Variants in DOC2A observed in about 807,000 individuals in gnomAD.
DOC2A encodes double C2 domain alpha.
DOC2A carries 28 observed loss-of-function variants against 40.6 expected under a neutral mutation model. That is an observed-to-expected ratio of 0.69 (90% CI 0.51 to 0.95). DOC2A has a LOEUF of 0.95. DOC2A is among the 40% of genes least tolerant of loss of function. The pLI, the probability that DOC2A is intolerant of heterozygous loss-of-function variation, is 0.00. For missense variants in DOC2A, 474 were observed against 552.5 expected (o/e 0.86, Z 1.42); for synonymous variants, 241 against 236.9 (o/e 1.02, Z -0.16).
At chr16:30,014,172 CTT>C (rs772684029), upstream of DOC2A, among the ~76,000 whole-genome samples, 3 of 131,874 alleles carry the variant, frequency 2.3e-5, no homozygotes, top group Non-Finnish European at 3.1e-5. Context: ...TTAGAATCAT[CTT>C]TTTTTTTTTT....
At chr16:30,012,360 A>C (rs2070796862), upstream of DOC2A, 1 of 152,092 alleles carries the variant, frequency 6.6e-6, no homozygotes, top group Non-Finnish European at 1.5e-5. Context: ...GTTCCACTGG[A>C]GCGGCTGATT....
At chr16:30,011,349 C>T (rs1279103349), upstream of DOC2A, 3 of 985,122 alleles carry the variant, frequency 3.0e-6, no homozygotes, top group African/African-American at 1.7e-5. Flanking sequence ...TTCGCACACA[C>T]ACGCACTCGC....
upstream of DOC2A, among the ~76,000 whole-genome samples, chr16:30,014,431 C>T (rs948894825): frequency 4.6e-5 from 7 of 151,682 alleles, no homozygotes; most frequent in Non-Finnish European, 8.8e-5. Flanking sequence ...GTCAGGAGAT[C>T]GAGACCATCT....
Position 30,009,781 on chromosome 16 carries a change from C to A in DOC2A, c.262+180G>T, listed in dbSNP as rs1349111993. Among the ~76,000 whole-genome samples, 5 of 152,114 alleles carry A rather than the reference C, an allele frequency of 3.3e-5. No homozygotes were observed. The East Asian group carries it at 9.6e-4, about 29-fold the overall frequency. ...CTCAGCAGAAATACTGAATATTGAG[C>A]CTTGCTGAAGCTGTAATCTCCACGC... is the stretch of plus-strand genomic sequence containing the variant. On this transcript the variant is annotated intron_variant, in intron 2 of 10. Coordinates refer to ENST00000350119, the MANE Select transcript of DOC2A (RefSeq NM_003586.3). The surrounding 1 kb of genome is among the most constrained non-coding windows in gnomAD (Gnocchi z 4.1).
rs752349945 is a variant in DOC2A at position 30,006,727 on chromosome 16, GC to G, written c.879-51del. On this transcript the variant is annotated intron_variant, in intron 8 of 10. Coordinates refer to ENST00000350119, the MANE Select transcript of DOC2A (RefSeq NM_003586.3). This position sits in a 1 kb window ranked among gnomAD's most constrained non-coding sequence, Gnocchi z 6.2. Reference sequence around the variant, plus strand: ...AACTGAGGGGTGAGGGACAGGCCAGGCCCAACTCAGGCCAGGGCAGGCTCCC... The same window carrying G: ...AACTGAGGGGTGAGGGACAGGCCAGGCCAACTCAGGCCAGGGCAGGCTCCC... 3.7e-6 allele frequency: 6 copies of G among 1,613,716 alleles called. No homozygotes were observed. The highest frequency in any genetic ancestry group is 3.3e-5 in the Admixed American group (2 of 59,994).
At chr16:30,015,368 T>G (rs1443662224), upstream of DOC2A, 1 of 152,284 alleles carries the variant, frequency 6.6e-6, no homozygotes, top group Non-Finnish European at 1.5e-5. Flanking sequence ...CAGGCTAGAG[T>G]GCAATTGCTC....
chr16:30,010,830 C>G lies in DOC2A; in HGVS notation c.-14+73G>C. 1.0e-6 allele frequency: 1 copy of G among 972,668 alleles called. No homozygotes were observed. Among genetic ancestry groups the G allele is most frequent in the Middle Eastern group, 5.2e-4 (1 of 1,928 alleles). The allele number at this position is 972,668 out of a possible 1,614,324, so 60.3% of individuals were successfully genotyped here. ...TGCAGCCGCAGGAGAGCCGAACACC[C>G]CCGTAGCGCACACAGGCTGGCACGC... On this transcript the variant is annotated intron_variant, in intron 1 of 10. Transcript: ENST00000350119. The surrounding 1 kb of genome is among the most constrained non-coding windows in gnomAD (Gnocchi z 4.2).
intron 1 of DOC2A, among the ~76,000 whole-genome samples, chr16:30,020,144 G>A (rs1469480657): frequency 1.3e-5 from 2 of 152,018 alleles, no homozygotes; most frequent in African/African-American, 4.8e-5. Flanking sequence ...CCTGACCTCA[G>A]GTGATCCACT....
intron 5 of DOC2A, chr16:30,007,825 A>T (rs2070667748): frequency 1.4e-5 from 3 of 219,564 alleles, no homozygotes; most frequent in Non-Finnish European, 2.8e-5. Context: ...CATCTGTGGC[A>T]TGGAGGATGG....
chr16:30,007,453 T>C lies in DOC2A; in HGVS notation c.528-154A>G, dbSNP rs2070650969. On this transcript the variant is annotated intron_variant, in intron 5 of 10. Transcript: ENST00000350119. The stretch of plus-strand genomic sequence containing the variant: ...GAGAAGGACAAGCAGATTTGCCCAT[T>C]CCTCTGTCCCTCCCTCTGCAGCCAC... The C allele has an allele frequency of 3.9e-6, 4 of 1,032,316 alleles. No individual in the cohort carries two copies. The African/African-American group carries it at 4.7e-5, about 12-fold the overall frequency. The allele number at this position is 1,032,316 out of a possible 1,614,324, so 63.9% of individuals were successfully genotyped here.
chr16:30,022,246 CAAAAAAAAAAAAAAAAA>C (rs60987861), upstream of DOC2A, among the ~76,000 whole-genome samples: 5 of 34,304 alleles, frequency 1.5e-4, no homozygotes, highest in South Asian at 7.4e-3. Flanking sequence ...AACTCCATCT[CAAAAAAAAAAAAAAAAA>C]AAAAAAAAAA....
Position 30,010,046 on chromosome 16 carries a change from CA to C in DOC2A, c.176del (p.Leu59ArgfsTer32). ...GGAGGGCTGCAGGGGGGGCCAGAGC[CA>C]GGGGGACCAGATGGGCGGGGGCCTC... Reference protein sequence around the residue: ...GGEAPAHLVPLALAPPAALLG... With the variant: ...GGEAPAHLVPXALAPPAALLG... On this transcript the variant is annotated frameshift_variant, in exon 2 of 11. Coordinates refer to ENST00000350119, the MANE Select transcript of DOC2A (RefSeq NM_003586.3). LOFTEE classifies it high-confidence loss of function. This position sits in a 1 kb window ranked among gnomAD's most constrained non-coding sequence, Gnocchi z 4.2. 6.2e-7 allele frequency: 1 copy of C among 1,611,982 alleles called. No individual in the cohort carries two copies. Among genetic ancestry groups the C allele is most frequent in the Non-Finnish European group, 8.5e-7 (1 of 1,179,522 alleles).
upstream of DOC2A, chr16:30,011,223 C>A: frequency 1.3e-6 from 1 of 760,070 alleles, no homozygotes; most frequent in Non-Finnish European, 1.6e-6. Context: ...GACCGGCACA[C>A]ACTCGTGTGC....
Position 30,010,262 on chromosome 16 carries a change from G to A in DOC2A, c.-13-27C>T. On this transcript the variant is annotated intron_variant, in intron 1 of 10. Transcript: ENST00000350119. The surrounding 1 kb of genome is among the most constrained non-coding windows in gnomAD (Gnocchi z 4.2). Reference sequence around the variant, plus strand: ...TAGGAGAGGGCGTGTGAGCCAGTGAGCCCATCATACCTAGCCATCCTGGCT... The same window carrying A: ...TAGGAGAGGGCGTGTGAGCCAGTGAACCCATCATACCTAGCCATCCTGGCT... 6.2e-7 allele frequency: 1 copy of A among 1,610,744 alleles called. No individual in the cohort carries two copies. The highest frequency in any genetic ancestry group is 8.5e-7 in the Non-Finnish European group (1 of 1,179,904).
chr16:30,022,685 G>A (rs1034747630), upstream of DOC2A, among the ~76,000 whole-genome samples: 3 of 151,284 alleles, frequency 2.0e-5, no homozygotes, highest in African/African-American at 4.9e-5. Context: ...AAAATAGGCC[G>A]GGCGCTTTGG....
Position 30,006,732 on chromosome 16 carries a change from A to T in DOC2A, c.878+53T>A. 1.2e-6 allele frequency: 2 copies of T among 1,613,552 alleles called. No individual in the cohort carries two copies. The highest frequency in any genetic ancestry group is 2.2e-5 in the South Asian group (2 of 91,058). ...AGGGGTGAGGGACAGGCCAGGCCCA[A>T]CTCAGGCCAGGGCAGGCTCCCTGGG... On this transcript the variant is annotated intron_variant, in intron 8 of 10. Transcript: ENST00000350119. The surrounding 1 kb of genome is among the most constrained non-coding windows in gnomAD (Gnocchi z 6.2).
upstream of DOC2A, chr16:30,011,470 G>T (rs1414877410): frequency 1.4e-5 from 13 of 954,222 alleles, no homozygotes; most frequent in African/African-American, 2.4e-4. Flanking sequence ...GCGCGGCCAC[G>T]GCGCCTCCCT....
At chr16:30,011,105 T>C (rs984383664), upstream of DOC2A, 3 of 59,642 alleles carry the variant, frequency 5.0e-5, no homozygotes, top group South Asian at 5.8e-4. Flanking sequence ...GCGCTGGGGC[T>C]GGGGAGGGGG....
rs1244872326 is a variant in DOC2A, at chr16:30,006,770, A to G, written c.878+15T>C. ...CAGGCTCCCTGGGGAGGAGAGGGTC[A>G]GAGCAAGGGCTCACGTCTTGACGTA... is the stretch of plus-strand genomic sequence containing the variant. On this transcript the variant is annotated intron_variant, in intron 8 of 10. Coordinates refer to ENST00000350119, the MANE Select transcript of DOC2A (RefSeq NM_003586.3). This position sits in a 1 kb window ranked among gnomAD's most constrained non-coding sequence, Gnocchi z 6.2. The G allele has an allele frequency of 6.2e-7, 1 of 1,613,880 alleles. No homozygotes were observed. Among genetic ancestry groups the G allele is most frequent in the South Asian group, 1.1e-5 (1 of 91,088 alleles).
Sources: gnomAD v4.1 joint callset for allele counts (sites outside exome capture counted in the v4.1 genomes callset) on GRCh38, gnomAD v4.1.1 for gene constraint, Gnocchi (gnomAD v3.1) non-coding constraint, MANE v1.5 for transcripts, NCBI Gene and HGNC (gene_info 2026-07-23, HGNC 2026-07-21) for gene names.